The following TM9SF2 variants were observed in gnomAD, a reference collection of about 807,000 sequenced individuals.
The protein encoded by TM9SF2 is 76 kDa membrane protein.
Under a neutral mutation model 84.9 loss-of-function variants are expected in TM9SF2, and 13 were observed. The ratio of observed to expected loss-of-function variants is 0.15; its 90% confidence interval spans 0.10 to 0.24. The LOEUF (loss-of-function observed/expected upper bound fraction) is 0.24. Among genes scored for constraint, TM9SF2 ranks in the 10% least tolerant of loss-of-function variants. The pLI, the probability that TM9SF2 is intolerant of heterozygous loss-of-function variation, is 1.00. For missense variants in TM9SF2, 562 were observed against 818.5 expected (o/e 0.69, Z 3.82); for synonymous variants, 273 against 285.8 (o/e 0.96, Z 0.45).
rs548335277 is a variant in TM9SF2 at position 99,549,263 on chromosome 13, C to G, written c.1328+41C>G. 1.5e-5 allele frequency: 23 copies of G among 1,538,244 alleles called. No homozygotes were observed. The East Asian group carries it at 4.7e-4, about 32-fold the overall frequency. ...AAGAATTACTTTCTTAACATAGTTA[C>G]ATGTTAGTCCCCAAATTTTCAGTCG... is the stretch of plus-strand genomic sequence containing the variant. On this transcript the variant is annotated intron_variant, in intron 12 of 16. Transcript: ENST00000376387.
chr13:99,564,028 T>C lies in TM9SF2; in HGVS notation c.*1270T>C, dbSNP rs2046354904. Reference sequence around the variant, plus strand: ...ATTACTAGCTGTCACTTATATGATATTGCTGGGTTCTTACTGAATAATTTT... The same window carrying C: ...ATTACTAGCTGTCACTTATATGATACTGCTGGGTTCTTACTGAATAATTTT... On this transcript the variant is annotated 3_prime_UTR_variant, in exon 17 of 17. Coordinates refer to ENST00000376387, the MANE Select transcript of TM9SF2 (RefSeq NM_004800.3). 1 of 151,910 alleles carries C rather than the reference T, an allele frequency of 6.6e-6. No individual in the cohort carries two copies. Among genetic ancestry groups the C allele is most frequent in the African/African-American group, 2.4e-5 (1 of 41,328 alleles). 9.4% of individuals were successfully genotyped at this position (151,910 alleles called of 1,614,324 possible).
At chr13:99,543,784 T>C in intron 9 of TM9SF2, 79 bp from the exon 10 acceptor site, 1 of 1,510,120 alleles carries the variant, frequency 6.6e-7, no homozygotes, top group Non-Finnish European at 8.9e-7. Context: ...TGTAACAGCA[T>C]ATTCAACAGT....
chr13:99,542,045 G>A (rs991916192), intron 9 of TM9SF2, among the ~76,000 whole-genome samples: 4 of 151,990 alleles, frequency 2.6e-5, no homozygotes, highest in Non-Finnish European at 5.9e-5. Context: ...AGCTACCTCG[G>A]GAGGCTGAGG....
chr13:99,540,830 T>C, intron 8 of TM9SF2, 37 bp downstream of exon 8: 2 of 1,533,032 alleles, frequency 1.3e-6, no homozygotes, highest in African/African-American at 2.7e-5. Context: ...TGCTTTCTAC[T>C]TTTCTACCCT....
chr13:99,559,170 C>T (rs1292739220), intron 15 of TM9SF2, among the ~76,000 whole-genome samples, 193 bp from the exon 16 acceptor site: 1 of 152,178 alleles, frequency 6.6e-6, no homozygotes, highest in Admixed American at 6.5e-5. Flanking sequence ...CCACCAAAGA[C>T]AGTGGGTGCT....
intron 12 of TM9SF2, among the ~76,000 whole-genome samples, chr13:99,549,641 A>T (rs905183387): frequency 1.8e-4 from 28 of 152,308 alleles, no homozygotes; most frequent in Admixed American, 1.7e-3. Context: ...AAAGTAATAT[A>T]CACCAAAAAT....
intron 10 of TM9SF2, among the ~76,000 whole-genome samples, chr13:99,546,766 G>A (rs1489126931): frequency 6.6e-5 from 10 of 152,152 alleles, no homozygotes; most frequent in Non-Finnish European, 1.5e-4. Flanking sequence ...TGGACTCTGA[G>A]AAGAAACTTC....
chr13:99,522,102 C>T (rs1020136787), intron 3 of TM9SF2, among the ~76,000 whole-genome samples: 1 of 152,110 alleles, frequency 6.6e-6, no homozygotes, highest in Non-Finnish European at 1.5e-5. Context: ...CTCACTGTAA[C>T]CTCCGCCTCC....
chr13:99,525,658 C>G (rs1261921527), intron 3 of TM9SF2, among the ~76,000 whole-genome samples: 1 of 151,578 alleles, frequency 6.6e-6, no homozygotes, highest in East Asian at 1.9e-4. Flanking sequence ...CGAGTTCACA[C>G]CATTCTCCTG....
chr13:99,563,376 ATAT>A lies in TM9SF2; in HGVS notation c.*622_*624del, dbSNP rs2046352228. ...ATTTATAAATTTGTTATCTTAATAA[ATAT>A]TATAAAAATGTCTTCATTGCATCAT... On this transcript the variant is annotated 3_prime_UTR_variant, in exon 17 of 17. Transcript: ENST00000376387. 1 of 152,234 alleles carries A rather than the reference ATAT, an allele frequency of 6.6e-6. No homozygotes were observed. The highest frequency in any genetic ancestry group is 2.4e-5 in the African/African-American group (1 of 41,470). The allele number at this position is 152,234 out of a possible 1,614,324, so 9.4% of individuals were successfully genotyped here. A position where few individuals can be genotyped will look rare whatever the true frequency, so the allele number is the denominator to read the frequency against.
chr13:99,547,175 G>A, intron 11 of TM9SF2, 71 bp downstream of exon 11: 1 of 1,587,672 alleles, frequency 6.3e-7, no homozygotes, highest in South Asian at 1.1e-5. Flanking sequence ...TCTGACCTGG[G>A]TATCAGATGG....
At chr13:99,541,112 T>G (rs2046257170) in intron 8 of TM9SF2, among the ~76,000 whole-genome samples, 1 of 152,262 alleles carries the variant, frequency 6.6e-6, no homozygotes, top group African/African-American at 2.4e-5. Context: ...ACTTTATTAT[T>G]ATCCCCTTCA....
At chr13:99,532,886 A>G (rs1384752782) in intron 4 of TM9SF2, among the ~76,000 whole-genome samples, 1 of 152,220 alleles carries the variant, frequency 6.6e-6, no homozygotes, top group East Asian at 1.9e-4. Flanking sequence ...TACCTGAGAA[A>G]GTGCTGGTAA....
intron 1 of TM9SF2, among the ~76,000 whole-genome samples, chr13:99,505,847 A>T (rs2046086650): frequency 6.6e-6 from 1 of 152,226 alleles, no homozygotes; most frequent in Non-Finnish European, 1.5e-5. Context: ...ACTTTCAAGT[A>T]ATTACTGGGT....
At position 99,541,682 on chromosome 13, in the gene TM9SF2, T is replaced by G. The variant is rs1257337465; in HGVS notation, c.1017+15T>G. On this transcript the variant is annotated intron_variant, in intron 9 of 16. Coordinates refer to ENST00000376387, the MANE Select transcript of TM9SF2 (RefSeq NM_004800.3). ...TGGACTCTACGGTAAGTGGAAACAT[T>G]TTAGTCTTTAGTCTGCCAAGGACAC... The G allele has an allele frequency of 6.6e-7, 1 of 1,521,354 alleles. No homozygotes were observed. Among genetic ancestry groups the G allele is most frequent in the Non-Finnish European group, 9.1e-7 (1 of 1,102,710 alleles). 94.2% of individuals were successfully genotyped at this position (1,521,354 alleles called of 1,614,324 possible).
chr13:99,518,949 A>G (rs1326350207), intron 2 of TM9SF2, among the ~76,000 whole-genome samples: 2 of 152,004 alleles, frequency 1.3e-5, no homozygotes, highest in Non-Finnish European at 2.9e-5. Context: ...CTGCATGAAT[A>G]TCCTTTATTC....
At chr13:99,559,984 C>G (rs1594063753) in intron 16 of TM9SF2, among the ~76,000 whole-genome samples, 1 of 152,048 alleles carries the variant, frequency 6.6e-6, no homozygotes, top group Non-Finnish European at 1.5e-5. Context: ...AATCTAGAAG[C>G]TTTTATCTCC....
intron 1 of TM9SF2, among the ~76,000 whole-genome samples, chr13:99,512,643 G>T (rs2046118439): frequency 6.6e-6 from 1 of 152,214 alleles, no homozygotes; most frequent in Non-Finnish European, 1.5e-5. Flanking sequence ...GATTAACATG[G>T]TTTCTGGAAA....
chr13:99,555,258 C>T (rs1425905678), intron 14 of TM9SF2, among the ~76,000 whole-genome samples: 2 of 152,142 alleles, frequency 1.3e-5, no homozygotes, highest in African/African-American at 2.4e-5. Context: ...TATCAAATAT[C>T]TCTGGCTCAC....
Sources: gnomAD v4.1 joint callset for allele counts (sites outside exome capture counted in the v4.1 genomes callset) on GRCh38, gnomAD v4.1.1 for gene constraint, MANE v1.5 for transcripts, NCBI Gene and HGNC (gene_info 2026-07-23, HGNC 2026-07-21) for gene names.